Variants in SLC24A3 observed in about 807,000 individuals in gnomAD.
The protein encoded by SLC24A3 is solute carrier family 24 member 3, also known as sodium/potassium/calcium exchanger 3.
SLC24A3 carries 28 observed loss-of-function variants against 75.8 expected under a neutral mutation model. That is an observed-to-expected ratio of 0.37 (90% CI 0.27 to 0.51). SLC24A3 has a LOEUF of 0.51. Among genes scored for constraint, SLC24A3 ranks in the 20% least tolerant of loss-of-function variants. The pLI, the probability that SLC24A3 is intolerant of heterozygous loss-of-function variation, is 0.94. For synonymous variants in SLC24A3, 372 were observed against 334.1 expected, an observed-to-expected ratio of 1.11 and a Z score of -1.24; for missense variants, 663 against 847.8, an observed-to-expected ratio of 0.78 and a Z score of 2.71.
chr20:19,700,586 A>G (rs987015868), intron 15 of SLC24A3, among the ~76,000 whole-genome samples: 2 of 152,216 alleles, frequency 1.3e-5, no homozygotes, highest in African/African-American at 4.8e-5. Flanking sequence ...GGATTAAATG[A>G]CAATCACCCA....
intron 15 of SLC24A3, among the ~76,000 whole-genome samples, chr20:19,704,207 A>G (rs903411404): frequency 6.6e-6 from 1 of 152,074 alleles, no homozygotes; most frequent in Non-Finnish European, 1.5e-5. Context: ...GGATGGATAG[A>G]TGGATGGAGG....
chr20:19,222,805 C>CTTCCTTCCTTCCTTCG (rs1981760744), intron 1 of SLC24A3, among the ~76,000 whole-genome samples: 1 of 144,070 alleles, frequency 6.9e-6, no homozygotes, highest in Non-Finnish European at 1.5e-5. Flanking sequence ...TCCTTCCTTC[C>CTTCCTTCCTTCCTTCG]TTCCTTCCTT....
rs12624937 is a variant in SLC24A3 at position 19,433,430 on chromosome 20, C to T, written c.272-82058C>T. ...AATGAGGCAGTGACTAAACTCAGGT[C>T]ACCTTAGGTAAGTTTTCTCCAAGAT... is the stretch of plus-strand genomic sequence containing the variant. On this transcript the variant is annotated intron_variant, in intron 2 of 16. Coordinates refer to ENST00000328041, the MANE Select transcript of SLC24A3 (RefSeq NM_020689.4). Among the ~76,000 whole-genome samples the T allele has an allele frequency of 1.1e-4, 16 of 152,296 alleles. No homozygotes were observed. In the South Asian group the frequency reaches 3.1e-3, roughly 30 times the overall value.
At chr20:19,505,646 A>G (rs1988451503) in intron 2 of SLC24A3, among the ~76,000 whole-genome samples, 1 of 152,172 alleles carries the variant, frequency 6.6e-6, no homozygotes, top group African/African-American at 2.4e-5. Context: ...AACCCTTAAC[A>G]GTGTAGAACA....
chr20:19,476,009 G>A (rs910683662), intron 2 of SLC24A3, among the ~76,000 whole-genome samples: 2 of 152,208 alleles, frequency 1.3e-5, no homozygotes, highest in African/African-American at 4.8e-5. Flanking sequence ...CAGAAGGACA[G>A]TTTAGCAAAG....
Position 19,682,023 on chromosome 20 carries a change from C to T in SLC24A3, c.901+32C>T, listed in dbSNP as rs190926681. 2.0e-5 allele frequency: 32 copies of T among 1,609,370 alleles called. No individual in the cohort carries two copies. The East Asian group carries it at 5.6e-4, about 28-fold the overall frequency. ...AAGGAGAGCACTTTGGGGTCCAAGGCAGGAGGATCAATTGAGGCCAGGAGT... is the reference window on the plus strand; with the variant it reads ...AAGGAGAGCACTTTGGGGTCCAAGGTAGGAGGATCAATTGAGGCCAGGAGT... On this transcript the variant is annotated intron_variant, in intron 10 of 16. Coordinates refer to ENST00000328041, the MANE Select transcript of SLC24A3 (RefSeq NM_020689.4).
chr20:19,696,497 CT>C (rs994669243), intron 13 of SLC24A3: 14 of 297,904 alleles, frequency 4.7e-5, no homozygotes, highest in African/African-American at 1.5e-4. Context: ...CCAATATTGC[CT>C]TTTTCCCAGA....
rs575997801 is a variant in SLC24A3, at chr20:19,547,011, A to G, written c.348+31447A>G. Among the ~76,000 whole-genome samples, 75 of 152,340 alleles carry G rather than the reference A, an allele frequency of 4.9e-4. 1 individual carries two copies. The South Asian group carries it at 5.2e-3, about 11-fold the overall frequency. ...CTCAGCTGAGAGGTCCCGCTCTCTGAAGGTGTTTATGACCACCCAGGTCAG... is the reference window on the plus strand; with the variant it reads ...CTCAGCTGAGAGGTCCCGCTCTCTGGAGGTGTTTATGACCACCCAGGTCAG... On this transcript the variant is annotated intron_variant, in intron 3 of 16. Coordinates refer to ENST00000328041, the MANE Select transcript of SLC24A3 (RefSeq NM_020689.4).
At chr20:19,300,445 T>C (rs1005310488) in intron 2 of SLC24A3, among the ~76,000 whole-genome samples, 2 of 152,170 alleles carry the variant, frequency 1.3e-5, no homozygotes, top group Non-Finnish European at 2.9e-5. Context: ...ACCACCTGAC[T>C]GCAACCTCTT....
At chr20:19,643,983 T>G (rs1322147375) in intron 6 of SLC24A3, among the ~76,000 whole-genome samples, 1 of 152,198 alleles carries the variant, frequency 6.6e-6, no homozygotes, top group Non-Finnish European at 1.5e-5. Context: ...CTTTATACCG[T>G]GGAAGGAATA....
chr20:19,532,173 G>T (rs541212462), intron 3 of SLC24A3, among the ~76,000 whole-genome samples: 1 of 152,332 alleles, frequency 6.6e-6, no homozygotes, highest in East Asian at 1.9e-4. Context: ...ACGGATCTAA[G>T]AACAACGTTC....
intron 2 of SLC24A3, among the ~76,000 whole-genome samples, chr20:19,502,948 G>A (rs932562371): frequency 1.4e-5 from 2 of 147,786 alleles, no homozygotes; most frequent in Non-Finnish European, 3.0e-5. Context: ...GATTGCTTAA[G>A]CCCAGGAGTT....
chr20:19,713,228 C>T (rs1013232594), intron 15 of SLC24A3, among the ~76,000 whole-genome samples: 3 of 152,204 alleles, frequency 2.0e-5, no homozygotes, highest in Non-Finnish European at 4.4e-5. Context: ...CCCACAAGCA[C>T]ACGTGGACAT....
intron 8 of SLC24A3, among the ~76,000 whole-genome samples, chr20:19,668,978 C>T (rs189188523): frequency 1.6e-3 from 241 of 152,240 alleles, no homozygotes; most frequent in African/African-American, 2.6e-3. Context: ...TCTCTTTGGT[C>T]GCAGAAGGGT....
At chr20:19,627,821 G>C (rs939135750) in intron 6 of SLC24A3, among the ~76,000 whole-genome samples, 17 of 152,208 alleles carry the variant, frequency 1.1e-4, no homozygotes, top group African/African-American at 4.1e-4. Flanking sequence ...AAGTGACAAG[G>C]ATTCTATAAG....
chr20:19,277,638 A>G (rs1479237660), intron 1 of SLC24A3, among the ~76,000 whole-genome samples: 5 of 152,196 alleles, frequency 3.3e-5, no homozygotes, highest in Admixed American at 2.6e-4. Flanking sequence ...GGTCAAATAC[A>G]CTTTTGTTGA....
At chr20:19,513,823 CA>C (rs1333593135) in intron 2 of SLC24A3, among the ~76,000 whole-genome samples, 2 of 150,996 alleles carry the variant, frequency 1.3e-5, no homozygotes, top group Non-Finnish European at 2.9e-5. Context: ...TTTTGATATA[CA>C]GATACATTGT....
intron 6 of SLC24A3, among the ~76,000 whole-genome samples, chr20:19,600,923 G>A (rs745710100): frequency 2.0e-5 from 3 of 152,124 alleles, no homozygotes; most frequent in Non-Finnish European, 2.9e-5. Flanking sequence ...TGCCTCCCAA[G>A]GCACTGAGAT....
At position 19,716,169 on chromosome 20, in the gene SLC24A3, C is replaced by T. The variant is rs533530890; in HGVS notation, c.1720-1359C>T. 2.6e-5 allele frequency among the ~76,000 whole-genome samples: 4 copies of T among 152,218 alleles called. No homozygotes were observed. In the East Asian group the frequency reaches 5.8e-4, roughly 22 times the overall value. On this transcript the variant is annotated intron_variant, in intron 15 of 16. Coordinates refer to ENST00000328041, the MANE Select transcript of SLC24A3 (RefSeq NM_020689.4). ...CTAACAAGTTCCCGAGAGCTGCTGC[C>T]GCTGCTGGCCCCAAAACCACCCTCT... is the stretch of plus-strand genomic sequence containing the variant.
Sources: gnomAD v4.1 joint callset for allele counts (sites outside exome capture counted in the v4.1 genomes callset) on GRCh38, gnomAD v4.1.1 for gene constraint, MANE v1.5 for transcripts, NCBI Gene and HGNC (gene_info 2026-07-23, HGNC 2026-07-21) for gene names.